CCDC144A: variants seen among roughly 807,000 people sequenced by gnomAD.
CCDC144A encodes the protein coiled-coil domain-containing protein 144A.
CCDC144A carries 41 observed loss-of-function variants against 143.8 expected under a neutral mutation model. The observed-to-expected ratio is 0.29, with a 90% CI of 0.22 to 0.37. The LOEUF (loss-of-function observed/expected upper bound fraction) is 0.37, where lower values mean the gene tolerates loss of function less well. CCDC144A is among the 10% of genes least tolerant of loss of function. CCDC144A has a pLI of 1.00. For missense variants in CCDC144A, 637 were observed against 1,488.8 expected (o/e 0.43, Z 9.41); for synonymous variants, 242 against 517.9 (o/e 0.47, Z 7.23).
intron 2 of CCDC144A, among the ~76,000 whole-genome samples, chr17:16,697,626 G>C (rs1227564452): frequency 6.6e-6 from 1 of 152,164 alleles, no homozygotes; most frequent in Non-Finnish European, 1.5e-5. Flanking sequence ...TAAAAATGTC[G>C]GTCTTTTTCT....
intron 2 of CCDC144A, among the ~76,000 whole-genome samples, chr17:16,702,748 G>A (rs1371835073): frequency 1.3e-5 from 2 of 152,046 alleles, no homozygotes; most frequent in African/African-American, 2.4e-5. Context: ...AGAGTACAGA[G>A]AGTAAATGAA....
At chr17:16,671,124 T>C in the CCDC144A span, among the ~76,000 whole-genome samples, 1 of 151,854 alleles carries the variant, frequency 6.6e-6, no homozygotes, top group African/African-American at 2.4e-5. Flanking sequence ...GTAGCTGGGA[T>C]TACAGACACC....
chr17:16,748,424 A>C (rs1914638050), intron 12 of CCDC144A, among the ~76,000 whole-genome samples: 1 of 152,222 alleles, frequency 6.6e-6, no homozygotes, highest in Non-Finnish European at 1.5e-5. Context: ...AACCAATTGC[A>C]TCACAAAAAT....
intron 1 of CCDC144A, among the ~76,000 whole-genome samples, chr17:16,691,263 A>T (rs1911052513): frequency 6.6e-6 from 1 of 152,142 alleles, no homozygotes; most frequent in Non-Finnish European, 1.5e-5. Flanking sequence ...AGTTCAAATA[A>T]TGTTGCAGAA....
intron 12 of CCDC144A, chr17:16,746,635 G>C (rs889162166): frequency 4.3e-5 from 69 of 1,612,538 alleles, no homozygotes; most frequent in Non-Finnish European, 4.8e-5. Flanking sequence ...ATGCTCTTGA[G>C]TAGAGATGAG....
chr17:16,728,674 T>G (rs1913552872), intron 9 of CCDC144A, among the ~76,000 whole-genome samples: 2 of 152,160 alleles, frequency 1.3e-5, no homozygotes, highest in African/African-American at 4.8e-5. Flanking sequence ...GATTTTAGTG[T>G]GCCTATCACC....
chr17:16,713,529 A>G (rs1912567313), intron 6 of CCDC144A, among the ~76,000 whole-genome samples: 1 of 152,196 alleles, frequency 6.6e-6, no homozygotes, highest in South Asian at 2.1e-4. Flanking sequence ...TGTATATTTG[A>G]TGAGTATAAA....
At chr17:16,671,776 C>CT in the CCDC144A span, among the ~76,000 whole-genome samples, 3 of 152,008 alleles carry the variant, frequency 2.0e-5, no homozygotes, top group Non-Finnish European at 4.4e-5. Flanking sequence ...AACAATGAGA[C>CT]TATTTCTGTC....
At chr17:16,699,266 C>T (rs1022923023) in intron 2 of CCDC144A, among the ~76,000 whole-genome samples, 1 of 148,934 alleles carries the variant, frequency 6.7e-6, no homozygotes, top group Non-Finnish European at 1.5e-5. Context: ...AATTGGATTA[C>T]CACACTTTTA....
At chr17:16,682,479 T>C in the CCDC144A span, among the ~76,000 whole-genome samples, 6 of 151,888 alleles carry the variant, frequency 4.0e-5, no homozygotes, top group African/African-American at 1.5e-4. Context: ...TGAGGTATAA[T>C]ATGAAATATC....
rs1027508755 is a variant in CCDC144A at position 16,745,001 on chromosome 17, A to G, written c.3372+9358A>G. On this transcript the variant is annotated intron_variant, in intron 12 of 16. Coordinates refer to ENST00000399273, the MANE Select transcript of CCDC144A (RefSeq NM_001382000.1). ...TAAACCGTAATGGTTACAAACCACAAACACATCCATCCAAAGACTGAAACC... is the reference window on the plus strand; with the variant it reads ...TAAACCGTAATGGTTACAAACCACAGACACATCCATCCAAAGACTGAAACC... Among the ~76,000 whole-genome samples the G allele has an allele frequency of 2.7e-4, 41 of 152,172 alleles. 1 individual carries two copies. The highest frequency in any genetic ancestry group is 8.8e-5 in the Non-Finnish European group (6 of 68,034).
At chr17:16,717,861 G>A (rs191306964) in intron 6 of CCDC144A, among the ~76,000 whole-genome samples, 51 of 152,098 alleles carry the variant, frequency 3.4e-4, no homozygotes, top group African/African-American at 1.1e-3. Context: ...GTGGTTCTGC[G>A]TTACATATGA....
At chr17:16,711,148 A>AAAAAAC (rs1039482911) in intron 5 of CCDC144A, among the ~76,000 whole-genome samples, 1 of 140,788 alleles carries the variant, frequency 7.1e-6, no homozygotes, top group African/African-American at 2.6e-5. Flanking sequence ...AAAAAAAAAA[A>AAAAAAC]AAAAAAAAAA....
chr17:16,672,981 C>T, the CCDC144A span, among the ~76,000 whole-genome samples: 2 of 151,960 alleles, frequency 1.3e-5, no homozygotes, highest in African/African-American at 4.8e-5. Context: ...ATTTAGTTCT[C>T]GAAGGGACTT....
At chr17:16,676,998 C>T in the CCDC144A span, among the ~76,000 whole-genome samples, 316 of 152,150 alleles carry the variant, frequency 2.1e-3, 2 homozygotes, top group African/African-American at 7.4e-3. Flanking sequence ...ATCAAAATTT[C>T]CAGAACCCAG....
intron 2 of CCDC144A, among the ~76,000 whole-genome samples, chr17:16,703,759 C>T (rs1911875647): frequency 6.6e-6 from 1 of 152,060 alleles, no homozygotes; most frequent in South Asian, 2.1e-4. Context: ...GCCGAGATCG[C>T]GCCACTGCAC....
In CCDC144A at chr17:16,690,690, A is replaced by G. The variant is rs1381690170; in HGVS notation, c.290A>G (p.Glu97Gly). The part of the protein sequence containing the change: ...AARSGDVPGV[E>G]HILAPGDTGV... ...CGGTCGGGCGACGTCCCTGGGGTGG[A>G]GCACATCTTAGCTCCTGGAGACACT... The change falls in exon 1 of 17, where the codon GAG (glutamate) becomes GGG (glycine). Residue 97 changes from glutamate (E) to glycine (G), a missense_variant. Physicochemically the swap from Glu to Gly is moderately conservative, Grantham distance 98. Transcript: ENST00000399273. 6.2e-7 allele frequency: 1 copy of G among 1,613,744 alleles called. No homozygotes were observed. Among genetic ancestry groups the G allele is most frequent in the South Asian group, 1.1e-5 (1 of 91,048 alleles).
chr17:16,677,707 C>T, the CCDC144A span, among the ~76,000 whole-genome samples: 1 of 151,680 alleles, frequency 6.6e-6, no homozygotes, highest in East Asian at 1.9e-4. Flanking sequence ...ATCCCAGCTA[C>T]TCAGGAGGCT....
intron 3 of CCDC144A, chr17:16,706,795 A>T (rs1183662331): frequency 6.6e-6 from 1 of 152,318 alleles, no homozygotes; most frequent in Non-Finnish European, 1.5e-5. Context: ...GGGAATAGAC[A>T]TGTAAAGCAA....
Sources: allele counts gnomAD v4.1 joint callset (sites outside exome capture counted in the v4.1 genomes callset), GRCh38; gene constraint gnomAD v4.1.1; transcripts MANE v1.5; gene names NCBI Gene and HGNC (gene_info 2026-07-23, HGNC 2026-07-21).